The following KIAA2012 variants were observed in gnomAD, a reference collection of about 807,000 sequenced individuals.
KIAA2012 encodes the protein KIAA2012, also known as uncharacterized protein KIAA2012.
In KIAA2012, 125 loss-of-function variants were observed where a neutral mutation model predicts 150.6. The observed-to-expected ratio is 0.83, with a 90% CI of 0.72 to 0.96. The LOEUF (loss-of-function observed/expected upper bound fraction) is 0.96, where lower values mean the gene tolerates loss of function less well. Ranked by LOEUF, KIAA2012 falls within the 40% of genes least tolerant of loss-of-function variation. The pLI is 0.00. For synonymous variants in KIAA2012, 462 were observed against 504.7 expected (o/e 0.92, Z 1.13); for missense variants, 1,219 against 1,354.9 (o/e 0.90, Z 1.57).
intron 13 of KIAA2012, among the ~76,000 whole-genome samples, chr2:202,149,096 C>G (rs1169744870): frequency 1.3e-5 from 2 of 152,154 alleles, no homozygotes; most frequent in East Asian, 3.9e-4. Context: ...GTTCCCCTAC[C>G]CTAGCAGGGG....
intron 11 of KIAA2012, chr2:202,113,714 T>A (rs1360447414): frequency 1.0e-5 from 4 of 401,762 alleles, no homozygotes; most frequent in African/African-American, 4.1e-5. Context: ...GCCACGCTGA[T>A]GCCTTGATGA....
intron 22 of KIAA2012, among the ~76,000 whole-genome samples, chr2:202,198,054 A>G (rs1240674244): frequency 1.3e-5 from 2 of 150,014 alleles, no homozygotes; most frequent in African/African-American, 4.9e-5. Flanking sequence ...GGCACCTGTC[A>G]TTCCAGCTAC....
intron 12 of KIAA2012, among the ~76,000 whole-genome samples, chr2:202,131,436 C>T (rs1690925638): frequency 6.6e-6 from 1 of 152,174 alleles, no homozygotes; most frequent in Non-Finnish European, 1.5e-5. Context: ...CCACTGGGCC[C>T]AGTCTGTGAG....
chr2:202,190,498 G>C lies in KIAA2012; in HGVS notation c.2811+5G>C. 6.7e-7 allele frequency: 1 copy of C among 1,493,142 alleles called. No individual in the cohort carries two copies. The allele number at this position is 1,493,142 out of a possible 1,614,324, so 92.5% of individuals were successfully genotyped here. ...AGATGTGAGGACCCTTCCAAGGTAG[G>C]GTCTGATGTCCTCAGCTTGACAGAG... On this transcript the variant is annotated splice_donor_5th_base_variant and intron_variant, in intron 19 of 23. Coordinates refer to ENST00000498697, the MANE Select transcript of KIAA2012 (RefSeq NM_001277372.4).
intron 13 of KIAA2012, among the ~76,000 whole-genome samples, chr2:202,144,260 T>G (rs1487681226): frequency 1.3e-5 from 2 of 152,222 alleles, no homozygotes; most frequent in African/African-American, 2.4e-5. Context: ...TTATATCCCT[T>G]TCTTCACTTC....
At chr2:202,119,514 AG>A (rs1366398080) in intron 11 of KIAA2012, among the ~76,000 whole-genome samples, 8 of 152,222 alleles carry the variant, frequency 5.3e-5, no homozygotes, top group Admixed American at 5.2e-4. Flanking sequence ...TTTAAGCAAA[AG>A]AAGCATTTAA....
At position 202,093,189 on chromosome 2, in the gene KIAA2012, C is replaced by G. The variant is rs573058563; in HGVS notation, c.685+4C>G. ...CAAGGAAAATCTTTTGAACAACGTA[C>G]GTGTTGATTTACATGTTGATTTTAT... On this transcript the variant is annotated splice_donor_region_variant and intron_variant, in intron 4 of 23. Coordinates refer to ENST00000498697, the MANE Select transcript of KIAA2012 (RefSeq NM_001277372.4). 3 of 1,550,620 alleles carry G rather than the reference C, an allele frequency of 1.9e-6. No individual in the cohort carries two copies. Among genetic ancestry groups the G allele is most frequent in the Non-Finnish European group, 2.6e-6 (3 of 1,146,724 alleles).
At chr2:202,085,110 A>G (rs1689531758) in intron 2 of KIAA2012, among the ~76,000 whole-genome samples, 1 of 152,218 alleles carries the variant, frequency 6.6e-6, no homozygotes, top group African/African-American at 2.4e-5. Flanking sequence ...GGCATCCCTC[A>G]GTGCTTCAGT....
At position 202,193,427 on chromosome 2, in the gene KIAA2012, C is replaced by T. The variant is rs1198712072; in HGVS notation, c.2938C>T (p.Gln980Ter). Residue 980 changes from glutamine (Q) to a stop codon, truncating the protein, a stop_gained, in exon 20 of 24, where the codon CAG becomes TAG. Coordinates refer to ENST00000498697, the MANE Select transcript of KIAA2012 (RefSeq NM_001277372.4). LOFTEE classifies it high-confidence loss of function. Reference protein sequence around the residue: ...REQEEQRQLQQEQLERAKKME... With the variant: ...REQEEQRQLQ ...GCAGGAAGAGCAAAGGCAGCTCCAG[C>T]AGGAGCAGCTGGAGAGAGCAAAAAA... 1.3e-6 allele frequency: 2 copies of T among 1,550,282 alleles called. No homozygotes were observed. Among genetic ancestry groups the T allele is most frequent in the African/African-American group, 2.7e-5 (2 of 73,136 alleles).
chr2:202,097,718 T>A, intron 5 of KIAA2012, 141 bp downstream of exon 5: 1 of 950,798 alleles, frequency 1.1e-6, no homozygotes, highest in Non-Finnish European at 1.5e-6. Context: ...GCCTCCTGAA[T>A]AGCTGGGACT....
intron 13 of KIAA2012, among the ~76,000 whole-genome samples, chr2:202,151,722 C>G (rs1691431711): frequency 6.6e-6 from 1 of 152,130 alleles, no homozygotes; most frequent in South Asian, 2.1e-4. Context: ...ACCAACCAAG[C>G]ACGTGACTTT....
In KIAA2012 at chr2:202,193,483, G is replaced by A. The variant is rs769786504; in HGVS notation, c.2994G>A (p.Gln998=). 4.8e-5 allele frequency: 75 copies of A among 1,550,054 alleles called. No individual in the cohort carries two copies. The highest frequency in any genetic ancestry group is 6.4e-5 in the Non-Finnish European group (73 of 1,146,906). The change falls in exon 20 of 24, where the codon CAG becomes CAA. Residue 998 remains glutamine (Q), a synonymous_variant. Transcript: ENST00000498697. ...KMEEELELEQ[Q]RRTEEIRLRK... Reference sequence around the variant, plus strand: ...AGGAGGAGCTGGAGCTGGAGCAGCAGAGACGTACAGAAGAGATCCGGTAGG... The same window carrying A: ...AGGAGGAGCTGGAGCTGGAGCAGCAAAGACGTACAGAAGAGATCCGGTAGG...
At chr2:202,141,931 G>A (rs1188412213) in intron 13 of KIAA2012, among the ~76,000 whole-genome samples, 1 of 151,514 alleles carries the variant, frequency 6.6e-6, no homozygotes, top group East Asian at 1.9e-4. Flanking sequence ...AGTGGTGGGA[G>A]GAAGTAAAAC....
chr2:202,199,401 G>A (rs917396145), intron 22 of KIAA2012, among the ~76,000 whole-genome samples: 1 of 152,126 alleles, frequency 6.6e-6, no homozygotes, highest in Non-Finnish European at 1.5e-5. Flanking sequence ...CTCCCAAGTA[G>A]CTGGGAGTAC....
intron 2 of KIAA2012, among the ~76,000 whole-genome samples, chr2:202,088,550 TACTGAGA>T (rs1406842793): frequency 6.6e-6 from 1 of 152,016 alleles, no homozygotes; most frequent in Non-Finnish European, 1.5e-5. Context: ...CCTTTAGGAG[TACTGAGA>T]GATTAGAAAG....
At chr2:202,138,204 T>A in intron 12 of KIAA2012, 2 of 335,550 alleles carry the variant, frequency 6.0e-6, no homozygotes, top group Non-Finnish European at 1.1e-5. Flanking sequence ...GAATAATATA[T>A]GTTTGAATAT....
At chr2:202,147,745 T>G (rs1356761241) in intron 13 of KIAA2012, among the ~76,000 whole-genome samples, 1 of 152,166 alleles carries the variant, frequency 6.6e-6, no homozygotes, top group Admixed American at 6.5e-5. Flanking sequence ...GTTGTCAGAT[T>G]GCAAAAGTCC....
At chr2:202,163,971 G>A (rs887328045) in intron 14 of KIAA2012, among the ~76,000 whole-genome samples, 2 of 152,000 alleles carry the variant, frequency 1.3e-5, no homozygotes, top group Admixed American at 6.6e-5. Context: ...ACCAAGTGAG[G>A]GAAGTCAGAG....
intron 15 of KIAA2012, among the ~76,000 whole-genome samples, chr2:202,170,362 T>C (rs944971146): frequency 2.0e-5 from 3 of 152,204 alleles, no homozygotes; most frequent in African/African-American, 4.8e-5. Flanking sequence ...TTCAATGACA[T>C]TGGAACTGTT....
Sources: allele counts gnomAD v4.1 joint callset (sites outside exome capture counted in the v4.1 genomes callset), GRCh38; gene constraint gnomAD v4.1.1; transcripts MANE v1.5; gene names NCBI Gene and HGNC (gene_info 2026-07-23, HGNC 2026-07-21).